VWF: variants seen among roughly 807,000 people sequenced by gnomAD.
The protein encoded by VWF is Factor VIII related antigen.
A neutral mutation model predicts 308.6 loss-of-function variants in VWF; 176 were observed. The observed-to-expected ratio is 0.57, with a 90% CI of 0.50 to 0.65. VWF has a LOEUF of 0.65. Among genes scored for constraint, VWF ranks in the 30% least tolerant of loss-of-function variants. The pLI, the probability that VWF is intolerant of heterozygous loss-of-function variation, is 0.00. For missense variants in VWF, 3,146 were observed against 3,648.2 expected (o/e 0.86, Z 3.55); for synonymous variants, 1,385 against 1,443.4 (o/e 0.96, Z 0.92).
chr12:6,092,672 T>TGTGTGC (rs1425650450), intron 6 of VWF, among the ~76,000 whole-genome samples: 6 of 144,902 alleles, frequency 4.1e-5, no homozygotes, highest in Admixed American at 2.8e-4. Flanking sequence ...TGTGTGTGTG[T>TGTGTGC]GCTGACCAGC....
intron 38 of VWF, among the ~76,000 whole-genome samples, chr12:5,987,511 A>C (rs1943692042): frequency 6.6e-6 from 1 of 152,146 alleles, no homozygotes; most frequent in African/African-American, 2.4e-5. Context: ...TCATCAACAG[A>C]CACAGTGCCC....
At position 6,066,819 on chromosome 12, in the gene VWF, C is replaced by T. The variant is rs2238107; in HGVS notation, c.1157-1546G>A. Reference sequence around the variant, plus strand: ...TCTGGCACTTCATGCTCGCATGTGCCCTGACAGGCCCAGCCAGGGGCCAGG... The same window carrying T: ...TCTGGCACTTCATGCTCGCATGTGCTCTGACAGGCCCAGCCAGGGGCCAGG... On this transcript the variant is annotated intron_variant, in intron 10 of 51. Coordinates refer to ENST00000261405, the MANE Select transcript of VWF (RefSeq NM_000552.5). Among the ~76,000 whole-genome samples, 207 of 152,348 alleles carry T rather than the reference C, an allele frequency of 1.4e-3. 1 individual carries two copies. The East Asian group carries it at 0.028, about 21-fold the overall frequency.
chr12:5,953,829 A>C (rs1167439572), intron 47 of VWF: 9 of 535,542 alleles, frequency 1.7e-5, no homozygotes, highest in Admixed American at 6.2e-5. Flanking sequence ...CTATTAAATG[A>C]GACCTTTTCC....
At chr12:6,052,922 T>G in intron 15 of VWF, 139 bp from the exon 16 acceptor site, 1 of 1,314,368 alleles carries the variant, frequency 7.6e-7, no homozygotes, top group Admixed American at 2.4e-5. Flanking sequence ...TAGACTTGCT[T>G]GCAATTACAA....
intron 13 of VWF, among the ~76,000 whole-genome samples, chr12:6,059,405 A>C (rs1237413753): frequency 6.6e-6 from 1 of 152,234 alleles, no homozygotes; most frequent in Non-Finnish European, 1.5e-5. Flanking sequence ...CTGTAATCTC[A>C]GCATCCAGAA....
intron 22 of VWF, among the ~76,000 whole-genome samples, chr12:6,028,969 T>C (rs140435365): frequency 9.2e-5 from 14 of 152,136 alleles, no homozygotes; most frequent in East Asian, 5.8e-4. Flanking sequence ...GACTGGCCAA[T>C]TGGATAAAGA....
chr12:6,021,772 A>G (rs1458675054), intron 27 of VWF, 128 bp downstream of exon 27: 4 of 1,102,656 alleles, frequency 3.6e-6, no homozygotes, highest in Non-Finnish European at 5.2e-6. Context: ...AAATAAATAA[A>G]CAAATAAAAT....
intron 18 of VWF, among the ~76,000 whole-genome samples, chr12:6,041,759 T>C (rs1049400081): frequency 6.6e-6 from 1 of 152,220 alleles, no homozygotes; most frequent in Non-Finnish European, 1.5e-5. Context: ...AAATATTTTT[T>C]AGTTGGGTGG....
At chr12:6,066,532 T>C (rs1944716753) in intron 10 of VWF, among the ~76,000 whole-genome samples, 1 of 152,186 alleles carries the variant, frequency 6.6e-6, no homozygotes, top group Non-Finnish European at 1.5e-5. Context: ...ACACATAGAG[T>C]GCACAGGGCT....
In VWF at chr12:6,063,941, G is replaced by A. The variant is rs149973482; in HGVS notation, c.1432+305C>T. On this transcript the variant is annotated intron_variant, in intron 12 of 51. Coordinates refer to ENST00000261405, the MANE Select transcript of VWF (RefSeq NM_000552.5). The surrounding 1 kb of genome is among the most constrained non-coding windows in gnomAD (Gnocchi z 4.9). ...GAACCACCTGCCCAAGACTCAACTC[G>A]CCCCTTTGGTTCAAGCCAAATAAAA... Among the ~76,000 whole-genome samples the A allele has an allele frequency of 2.6e-5, 4 of 152,160 alleles. No homozygotes were observed. Among genetic ancestry groups the A allele is most frequent in the South Asian group, 2.1e-4 (1 of 4,818 alleles).
chr12:6,028,343 G>A (rs902031662), intron 22 of VWF, among the ~76,000 whole-genome samples: 1 of 152,166 alleles, frequency 6.6e-6, no homozygotes, highest in Non-Finnish European at 1.5e-5. Flanking sequence ...TGATTGGTTT[G>A]CTGCTGTAGG....
At chr12:6,025,796 G>A in intron 23 of VWF, 103 bp from the exon 24 acceptor site, 1 of 1,590,858 alleles carries the variant, frequency 6.3e-7, no homozygotes, top group African/African-American at 1.3e-5. Flanking sequence ...GCAGCCACCT[G>A]GAGGTCATAC....
At position 5,994,044 on chromosome 12, in the gene VWF, C is replaced by T; in HGVS notation, c.6416G>A (p.Cys2139Tyr). 1.2e-6 allele frequency: 2 copies of T among 1,614,190 alleles called. No homozygotes were observed. Among genetic ancestry groups the T allele is most frequent in the Non-Finnish European group, 1.7e-6 (2 of 1,180,044 alleles). Residue 2139 changes from cysteine (C) to tyrosine (Y), a missense_variant, in exon 37 of 52, where the codon TGC becomes TAC. Transcript: ENST00000261405. Reference protein sequence around the residue: ...EQCLVPDSSHCQVLLLPLFAE... With the variant: ...EQCLVPDSSHYQVLLLPLFAE... ...AAACAGTGGTAAGAGGAGGACCTGG[C>T]AGTGGGAGCTGTCGGGGACAAGACA...
rs754062706 is a variant in VWF, at chr12:6,016,101, C to T, written c.5443G>A (p.Ala1815Thr). The T allele has an allele frequency of 6.2e-6, 10 of 1,613,994 alleles. No individual in the cohort carries two copies. The highest frequency in any genetic ancestry group is 2.7e-5 in the African/African-American group (2 of 74,916). Reference protein sequence around the residue: ...VDSVDAAADAARSNRVTVFPI... With the variant: ...VDSVDAAADATRSNRVTVFPI... The stretch of plus-strand genomic sequence containing the variant: ...ACCAGATTCTTACTGTTGGACCTGG[C>T]GGCATCAGCTGCTGCATCCACTGAA... Residue 1815 changes from alanine to threonine, a missense_variant, in exon 31 of 52, where the codon GCC (alanine) becomes ACC (threonine). Around this residue, in one of 3 missense-constraint regions of VWF, gnomAD observed 853 missense variants for 1,177.8 expected, o/e 0.72. Transcript: ENST00000261405.
At chr12:6,049,057 T>G (rs1261990502) in intron 16 of VWF, among the ~76,000 whole-genome samples, 1 of 152,210 alleles carries the variant, frequency 6.6e-6, no homozygotes, top group Non-Finnish European at 1.5e-5. Flanking sequence ...TACTCCATTG[T>G]GATGGCCGCT....
intron 1 of VWF, 133 bp from the exon 2 acceptor site, chr12:6,123,329 C>CT (rs1945451799): frequency 9.2e-7 from 1 of 1,084,748 alleles, no homozygotes; most frequent in Non-Finnish European, 1.4e-6. Context: ...TCGTGACCCC[C>CT]TTTTCCCCTT....
At chr12:6,017,333 C>T (rs1337971658) in intron 28 of VWF, among the ~76,000 whole-genome samples, 3 of 152,178 alleles carry the variant, frequency 2.0e-5, no homozygotes, top group Non-Finnish European at 4.4e-5. Context: ...GCTATAAATG[C>T]CTAGTGCTCC....
Position 6,019,451 on chromosome 12 carries a change from C to T in VWF, c.3967G>A (p.Asp1323Asn), listed in dbSNP as rs369628563. 8.1e-6 allele frequency: 13 copies of T among 1,613,790 alleles called. No homozygotes were observed. In the Middle Eastern group the frequency reaches 4.9e-4, roughly 61 times the overall value. Reference protein sequence around the residue: ...WVRVAVVEYHDGSHAYIGLKD... With the variant: ...WVRVAVVEYHNGSHAYIGLKD... ...AGCCCGATGTAGGCGTGGGAGCCGT[C>T]GTGGTACTCCACCACGGCCACGCGG... is the stretch of plus-strand genomic sequence containing the variant. Residue 1323 changes from aspartate to asparagine, a missense_variant, in exon 28 of 52, where the codon GAC (aspartate) becomes AAC (asparagine). Physicochemically the swap from Asp to Asn is conservative, Grantham distance 23. Coordinates refer to ENST00000261405, the MANE Select transcript of VWF (RefSeq NM_000552.5). The surrounding 1 kb of genome is among the most constrained non-coding windows in gnomAD (Gnocchi z 5.8).
At chr12:6,043,498 C>T (rs996220997) in intron 18 of VWF, among the ~76,000 whole-genome samples, 3 of 152,204 alleles carry the variant, frequency 2.0e-5, no homozygotes, top group African/African-American at 7.2e-5. Flanking sequence ...TTGGGGAAAA[C>T]AAGAAGACAG....
Sources: allele counts gnomAD v4.1 joint callset (sites outside exome capture counted in the v4.1 genomes callset), GRCh38; gene constraint gnomAD v4.1.1; regional missense constraint gnomAD v4.1.1; non-coding constraint Gnocchi (gnomAD v3.1); transcripts MANE v1.5; gene names NCBI Gene and HGNC (gene_info 2026-07-23, HGNC 2026-07-21).